CHKA: variants seen among roughly 807,000 people sequenced by gnomAD.
CHKA encodes the protein CHETK-alpha.
CHKA carries 34 observed loss-of-function variants against 60.1 expected under a neutral mutation model. The ratio of observed to expected loss-of-function variants is 0.57; its 90% CI spans 0.43 to 0.75. The LOEUF (loss-of-function observed/expected upper bound fraction) is 0.75, where lower values mean the gene tolerates loss of function less well. CHKA is among the 30% of genes least tolerant of loss of function. The pLI, the probability that CHKA is intolerant of heterozygous loss-of-function variation, is 0.00. For missense variants in CHKA, 563 were observed against 561.3 expected, an observed-to-expected ratio of 1.00 and a Z score of -0.03; for synonymous variants, 217 against 223.1, an observed-to-expected ratio of 0.97 and a Z score of 0.24.
intron 2 of CHKA, among the ~76,000 whole-genome samples, chr11:68,093,395 C>T (rs1857411106): frequency 6.6e-6 from 1 of 152,118 alleles, no homozygotes; most frequent in South Asian, 2.1e-4. Flanking sequence ...TAACATTTGC[C>T]TAATAAAAAT....
chr11:68,098,229 C>G (rs573776784), intron 1 of CHKA, among the ~76,000 whole-genome samples: 1 of 147,774 alleles, frequency 6.8e-6, no homozygotes, highest in Non-Finnish European at 1.5e-5. Flanking sequence ...CGTTATCGCG[C>G]CACTGTACTC....
intron 4 of CHKA, among the ~76,000 whole-genome samples, chr11:68,073,833 T>A (rs1375776482): frequency 6.6e-6 from 1 of 152,132 alleles, no homozygotes; most frequent in African/African-American, 2.4e-5. Flanking sequence ...GGATAAGATA[T>A]CTCATGCAGC....
In CHKA at chr11:68,053,780, C is replaced by T. The variant is rs1003620228; in HGVS notation, c.*208G>A. ...GCACTATATTTCTGCTTCCCGATCT[C>T]GTTTCTGAGTCCTAGTGAAATCGTA... On this transcript the variant is annotated 3_prime_UTR_variant, in exon 12 of 12. Coordinates refer to ENST00000265689, the MANE Select transcript of CHKA (RefSeq NM_001277.3). 12 of 509,464 alleles carry T rather than the reference C, an allele frequency of 2.4e-5. 1 individual carries two copies. The highest frequency in any genetic ancestry group is 9.5e-5 in the East Asian group (3 of 31,426). 31.6% of individuals were successfully genotyped at this position (509,464 alleles called of 1,614,324 possible).
At chr11:68,088,003 C>T (rs1857235300) in intron 2 of CHKA, among the ~76,000 whole-genome samples, 1 of 149,850 alleles carries the variant, frequency 6.7e-6, no homozygotes, top group Admixed American at 6.8e-5. Flanking sequence ...ATCCCAGCTA[C>T]TCAGGGGACT....
At chr11:68,059,263 ATTTT>A (rs539161138) in intron 11 of CHKA, among the ~76,000 whole-genome samples, 1 of 151,614 alleles carries the variant, frequency 6.6e-6, no homozygotes, top group Non-Finnish European at 1.5e-5. Context: ...GTTTGCTGAG[ATTTT>A]TTTTTATCAC....
chr11:68,054,212 T>G (rs962796443), intron 11 of CHKA, among the ~76,000 whole-genome samples, 165 bp from the exon 12 acceptor site: 1 of 152,138 alleles, frequency 6.6e-6, no homozygotes, highest in African/African-American at 2.4e-5. Flanking sequence ...GCCTCGCTGC[T>G]CTACAGGTGC....
chr11:68,085,380 ACC>A (rs1373501671), intron 2 of CHKA, among the ~76,000 whole-genome samples: 2 of 149,050 alleles, frequency 1.3e-5, no homozygotes, highest in Non-Finnish European at 3.0e-5. Flanking sequence ...GTGCCACCAT[ACC>A]TAGCCTTTTT....
intron 2 of CHKA, among the ~76,000 whole-genome samples, chr11:68,094,320 T>C (rs184879847): frequency 8.5e-4 from 129 of 152,200 alleles, no homozygotes; most frequent in Non-Finnish European, 1.3e-3. Context: ...GACGGGTGCA[T>C]CACTTAAGGC....
At position 68,052,998 on chromosome 11, in the gene CHKA, A is replaced by G. The variant is rs565991353; in HGVS notation, c.*990T>C. ...CCCGCAGGACATTTCATATATATGG[A>G]TTTCACAGCTACACTCGATCCACGC... is the stretch of plus-strand genomic sequence containing the variant. On this transcript the variant is annotated 3_prime_UTR_variant, in exon 12 of 12. Coordinates refer to ENST00000265689, the MANE Select transcript of CHKA (RefSeq NM_001277.3). 2.0e-5 allele frequency: 3 copies of G among 152,568 alleles called. No individual in the cohort carries two copies. The highest frequency in any genetic ancestry group is 4.4e-5 in the Non-Finnish European group (3 of 68,040). The allele number at this position is 152,568 out of a possible 1,614,324, so 9.5% of individuals were successfully genotyped here.
intron 2 of CHKA, among the ~76,000 whole-genome samples, chr11:68,095,809 A>G (rs938240339): frequency 8.2e-5 from 12 of 146,474 alleles, no homozygotes; most frequent in Non-Finnish European, 1.6e-4. Context: ...CGAGAGGGTG[A>G]GGCGGGCAGA....
intron 1 of CHKA, among the ~76,000 whole-genome samples, chr11:68,101,107 C>T (rs889139030): frequency 3.0e-4 from 46 of 151,748 alleles, no homozygotes; most frequent in African/African-American, 9.9e-4. Context: ...ACCACCACAC[C>T]GGGCTAATTT....
At chr11:68,066,668 G>T in intron 7 of CHKA, 152 bp from the exon 8 acceptor site, 1 of 652,688 alleles carries the variant, frequency 1.5e-6, no homozygotes, top group Non-Finnish European at 2.7e-6. Context: ...TAGACAGAGC[G>T]TAGAAGTGCT....
chr11:68,119,846 G>A (rs1449276223), intron 1 of CHKA, among the ~76,000 whole-genome samples: 1 of 152,170 alleles, frequency 6.6e-6, no homozygotes, highest in African/African-American at 2.4e-5. Context: ...GCAGAGTGGT[G>A]AAAGAAGGTC....
intron 3 of CHKA, among the ~76,000 whole-genome samples, chr11:68,076,014 A>G (rs1016620458): frequency 4.6e-5 from 7 of 152,234 alleles, no homozygotes; most frequent in Non-Finnish European, 1.5e-5. Flanking sequence ...ATACAGTACT[A>G]TAGTAAGAAG....
At chr11:68,061,854 G>T in intron 11 of CHKA, 99 bp downstream of exon 11, 1 of 874,708 alleles carries the variant, frequency 1.1e-6, no homozygotes, top group Non-Finnish European at 1.8e-6. Flanking sequence ...AGAACCCTCT[G>T]TAAGGAACAG....
intron 2 of CHKA, among the ~76,000 whole-genome samples, chr11:68,090,532 C>G (rs749815298): frequency 1.3e-5 from 2 of 152,076 alleles, no homozygotes; most frequent in Non-Finnish European, 2.9e-5. Flanking sequence ...TTAATATTAA[C>G]TATTTATGAG....
At chr11:68,066,162 A>G (rs1856437278) in intron 8 of CHKA, among the ~76,000 whole-genome samples, 1 of 152,190 alleles carries the variant, frequency 6.6e-6, no homozygotes, top group African/African-American at 2.4e-5. Flanking sequence ...ATGAGAAGAA[A>G]ATGACCTCTG....
In CHKA at chr11:68,092,054, C is replaced by T. The variant is rs561292792; in HGVS notation, c.462+4965G>A. On this transcript the variant is annotated intron_variant, in intron 2 of 11. Transcript: ENST00000265689. ...TAACCCATCTTAAAGGACATTATAG[C>T]TGCATTTATAAAGTTGGCTTGGGAG... 1.1e-4 allele frequency among the ~76,000 whole-genome samples: 17 copies of T among 152,246 alleles called. No individual in the cohort carries two copies. In the South Asian group the frequency reaches 3.3e-3, roughly 30 times the overall value.
chr11:68,054,857 A>C (rs776564297), intron 11 of CHKA, among the ~76,000 whole-genome samples: 8 of 152,148 alleles, frequency 5.3e-5, no homozygotes, highest in African/African-American at 1.9e-4. Context: ...CACCGACTCA[A>C]TATCTGTCAC....
Sources: allele counts gnomAD v4.1 joint callset (sites outside exome capture counted in the v4.1 genomes callset), GRCh38; gene constraint gnomAD v4.1.1; transcripts MANE v1.5; gene names NCBI Gene and HGNC (gene_info 2026-07-23, HGNC 2026-07-21).